TTC28: variants seen among roughly 807,000 people sequenced by gnomAD.
TTC28 encodes the protein tetratricopeptide repeat protein 28.
Under a neutral mutation model 198.0 loss-of-function variants are expected in TTC28, and 61 were observed. That is an observed-to-expected ratio of 0.31 (90% CI 0.25 to 0.38). TTC28 has a LOEUF of 0.38. Among genes scored for constraint, TTC28 ranks in the 10% least tolerant of loss-of-function variants. The probability of loss-of-function intolerance (pLI) is 1.00; values close to 1 mark genes in which losing one functional copy is unlikely to be tolerated. For synonymous variants in TTC28, 1,171 were observed against 1,297.8 expected, an observed-to-expected ratio of 0.90 and a Z score of 2.10; for missense variants, 2,678 against 3,164.0, an observed-to-expected ratio of 0.85 and a Z score of 3.69.
chr22:27,983,699 T>A lies in TTC28; in HGVS notation c.5968A>T (p.Ile1990Phe). 1 of 1,550,592 alleles carries A rather than the reference T, an allele frequency of 6.4e-7. No homozygotes were observed. The highest frequency in any genetic ancestry group is 8.7e-7 in the Non-Finnish European group (1 of 1,146,500). Residue 1990 changes from isoleucine to phenylalanine, a missense_variant, in exon 23 of 23, where the codon ATC becomes TTC. Physicochemically the swap from Ile to Phe is conservative, Grantham distance 21. Transcript: ENST00000397906. ...ATGGAGCTCAGACTGTACACAGAGA[T>A]GGCATCTGAGGCGATGCTGTCCGCA... ...TGADSIASDA[I>F]SVYSLSSIAS... is the part of the protein sequence containing the mutation.
At chr22:28,156,375 AAT>A (rs1943749072) in intron 6 of TTC28, among the ~76,000 whole-genome samples, 1 of 152,212 alleles carries the variant, frequency 6.6e-6, no homozygotes, top group African/African-American at 2.4e-5. Context: ...GGGGCAAAGA[AAT>A]ATATTCTCCT....
intron 2 of TTC28, among the ~76,000 whole-genome samples, chr22:28,333,552 A>G (rs2045651048): frequency 6.6e-6 from 1 of 152,088 alleles, no homozygotes; most frequent in African/African-American, 2.4e-5. Flanking sequence ...AAAATGAACT[A>G]GGTTATATTT....
intron 12 of TTC28, among the ~76,000 whole-genome samples, chr22:28,073,045 T>A (rs1941051156): frequency 6.6e-6 from 1 of 152,154 alleles, no homozygotes. Flanking sequence ...GAGCCCAGCC[T>A]GGCATGGGAG....
intron 22 of TTC28, 39 bp from the exon 23 acceptor site, chr22:27,983,890 T>C (rs993463245): frequency 6.6e-7 from 1 of 1,508,080 alleles, no homozygotes; most frequent in Non-Finnish European, 8.8e-7. Context: ...ACAGTTAGAA[T>C]TCTATATGGT....
chr22:27,985,383 T>C (rs1051318884), intron 21 of TTC28, 27 bp from the exon 22 acceptor site: 4 of 1,519,958 alleles, frequency 2.6e-6, no homozygotes, highest in Non-Finnish European at 3.6e-6. Flanking sequence ...TATAAGCATC[T>C]GCTTCCTTCG....
intron 5 of TTC28, among the ~76,000 whole-genome samples, chr22:28,286,695 G>C (rs1018835294): frequency 1.3e-5 from 2 of 152,128 alleles, no homozygotes; most frequent in Non-Finnish European, 2.9e-5. Context: ...GAATACAGAT[G>C]GCTGAGCAAA....
chr22:28,399,866 T>C (rs561692361), intron 2 of TTC28, among the ~76,000 whole-genome samples: 1 of 152,262 alleles, frequency 6.6e-6, no homozygotes, highest in East Asian at 1.9e-4. Flanking sequence ...TCACCAGATA[T>C]TCATCTTCAA....
At chr22:28,379,568 G>C (rs2046464845) in intron 2 of TTC28, among the ~76,000 whole-genome samples, 1 of 152,160 alleles carries the variant, frequency 6.6e-6, no homozygotes. Context: ...GAGGTAGCTA[G>C]AATAGTCAAG....
intron 2 of TTC28, among the ~76,000 whole-genome samples, chr22:28,318,723 C>T (rs915617131): frequency 6.7e-6 from 1 of 150,108 alleles, no homozygotes; most frequent in East Asian, 2.0e-4. Flanking sequence ...CCTGTTTTTT[C>T]ATTTTGATAC....
chr22:28,023,133 TG>T (rs34192897), intron 13 of TTC28, among the ~76,000 whole-genome samples: 6,125 of 152,316 alleles, frequency 0.04, 183 homozygotes, highest in Non-Finnish European at 0.053. Context: ...TGGACTCTCC[TG>T]GGCATGCTGG....
At chr22:28,598,947 G>GTTT (rs1225236343) in intron 2 of TTC28, among the ~76,000 whole-genome samples, 2 of 152,188 alleles carry the variant, frequency 1.3e-5, no homozygotes, top group African/African-American at 4.8e-5. Context: ...AAAACTGTGA[G>GTTT]TGAAATGCTT....
intron 2 of TTC28, among the ~76,000 whole-genome samples, chr22:28,505,288 T>C (rs1464224771): frequency 6.8e-6 from 1 of 148,112 alleles, no homozygotes; most frequent in East Asian, 2.0e-4. Flanking sequence ...AGTTTAAAAC[T>C]TTAGAAGCTT....
intron 5 of TTC28, among the ~76,000 whole-genome samples, chr22:28,275,247 A>C (rs549268660): frequency 1.3e-5 from 2 of 152,316 alleles, no homozygotes; most frequent in Admixed American, 1.3e-4. Context: ...AGCTTTGGCA[A>C]AGATTTTTCC....
intron 2 of TTC28, among the ~76,000 whole-genome samples, chr22:28,607,022 G>C (rs2050746627): frequency 2.0e-5 from 3 of 152,158 alleles, no homozygotes; most frequent in Admixed American, 2.0e-4. Flanking sequence ...CAGCTCATAA[G>C]ACCCTCCTTA....
chr22:28,519,395 TG>T (rs1387843208), intron 2 of TTC28, among the ~76,000 whole-genome samples: 1 of 152,110 alleles, frequency 6.6e-6, no homozygotes. Flanking sequence ...GACTAACAAA[TG>T]GTTTGCAGGA....
chr22:28,233,120 T>C (rs1378826718), intron 5 of TTC28, among the ~76,000 whole-genome samples: 1 of 151,992 alleles, frequency 6.6e-6, no homozygotes, highest in African/African-American at 2.4e-5. Context: ...AAAAAATCCA[T>C]TTTAATTTTC....
At chr22:28,615,893 A>G (rs2050898009) in intron 2 of TTC28, among the ~76,000 whole-genome samples, 2 of 152,156 alleles carry the variant, frequency 1.3e-5, no homozygotes, top group South Asian at 2.1e-4. Context: ...GTGTATACCT[A>G]TGTAACAAAC....
chr22:28,245,552 A>G (rs1930023988), intron 5 of TTC28, among the ~76,000 whole-genome samples: 1 of 152,214 alleles, frequency 6.6e-6, no homozygotes, highest in South Asian at 2.1e-4. Flanking sequence ...AAACATCACA[A>G]AAGAAATGAA....
At chr22:28,504,874 G>T (rs1172277119) in intron 2 of TTC28, among the ~76,000 whole-genome samples, 1 of 151,992 alleles carries the variant, frequency 6.6e-6, no homozygotes, top group Non-Finnish European at 1.5e-5. Context: ...AACAATTTTT[G>T]ATATAGGTTC....
Sources: gnomAD v4.1 joint callset for allele counts (sites outside exome capture counted in the v4.1 genomes callset) on GRCh38, gnomAD v4.1.1 for gene constraint, MANE v1.5 for transcripts, NCBI Gene and HGNC (gene_info 2026-07-23, HGNC 2026-07-21) for gene names.